NPAS3: variants seen among roughly 807,000 people sequenced by gnomAD.
The protein encoded by NPAS3 is neuronal PAS domain-containing protein 3.
NPAS3 carries 14 observed loss-of-function variants against 73.1 expected under a neutral mutation model. The observed-to-expected ratio is 0.19, with a 90% CI of 0.13 to 0.30. The LOEUF (loss-of-function observed/expected upper bound fraction) is 0.30. NPAS3 is among the 10% of genes least tolerant of loss of function. NPAS3 has a pLI of 1.00. For synonymous variants in NPAS3, 620 were observed against 541.5 expected, an observed-to-expected ratio of 1.14 and a Z score of -2.01; for missense variants, 1,096 against 1,250.0, an observed-to-expected ratio of 0.88 and a Z score of 1.86.
intron 3 of NPAS3, among the ~76,000 whole-genome samples, chr14:33,330,176 G>A (rs1000232653): frequency 5.9e-5 from 9 of 152,070 alleles, no homozygotes; most frequent in African/African-American, 1.9e-4. Context: ...CTGGGAGGCA[G>A]AAGCTGCAGT....
chr14:33,013,326 A>G (rs1195674165), intron 1 of NPAS3, among the ~76,000 whole-genome samples: 1 of 152,212 alleles, frequency 6.6e-6, no homozygotes, highest in Admixed American at 6.5e-5. Flanking sequence ...AATGATCCAG[A>G]CTTAGCATTT....
intron 3 of NPAS3, among the ~76,000 whole-genome samples, chr14:33,251,664 T>C (rs768384286): frequency 7.2e-5 from 11 of 152,046 alleles, no homozygotes; most frequent in Non-Finnish European, 1.2e-4. Context: ...AACAAAAACA[T>C]TATCTCAGAA....
At chr14:33,389,966 T>C (rs1211412675) in intron 4 of NPAS3, among the ~76,000 whole-genome samples, 1 of 152,160 alleles carries the variant, frequency 6.6e-6, no homozygotes, top group African/African-American at 2.4e-5. Context: ...AAGGGTGTCA[T>C]ATGGTCATCT....
intron 4 of NPAS3, among the ~76,000 whole-genome samples, chr14:33,470,933 TAA>T (rs59672930): frequency 5.7e-5 from 8 of 140,782 alleles, no homozygotes; most frequent in Non-Finnish European, 6.2e-5. Flanking sequence ...AGAGCATATT[TAA>T]AAAAAAAAAA....
chr14:33,164,539 TAAA>T (rs927385939), intron 2 of NPAS3, among the ~76,000 whole-genome samples: 1 of 151,418 alleles, frequency 6.6e-6, no homozygotes, highest in African/African-American at 2.4e-5. Flanking sequence ...ATGAACAACT[TAAA>T]AAAAAACCAC....
At position 33,051,296 on chromosome 14, in the gene NPAS3, A is replaced by AAAAAG. The variant is rs771840433; in HGVS notation, c.51-4608_51-4607insAAAGA. On this transcript the variant is annotated intron_variant, in intron 1 of 11. Coordinates refer to ENST00000356141, the Ensembl canonical transcript of NPAS3. ...ACTCCGTCTCAAAAAAAAAAAAAAA[A>AAAAAG]AGAGAGACTAAAGAACTTCCCCACT... is the stretch of plus-strand genomic sequence containing the variant. 1.8e-3 allele frequency among the ~76,000 whole-genome samples: 250 copies of AAAAAG among 142,558 alleles called. 4 individuals are homozygous for AAAAAG. Among genetic ancestry groups the AAAAAG allele is most frequent in the African/African-American group, 6.3e-3 (229 of 36,178 alleles). 93.5% of individuals were successfully genotyped at this position (142,558 alleles called of 152,430 possible).
chr14:33,322,872 T>G (rs1270707748), intron 3 of NPAS3, among the ~76,000 whole-genome samples: 1 of 152,320 alleles, frequency 6.6e-6, no homozygotes, highest in East Asian at 1.9e-4. Flanking sequence ...ATATAGGTAC[T>G]TTCTGCCTAT....
intron 3 of NPAS3, among the ~76,000 whole-genome samples, chr14:33,290,675 A>C (rs920444400): frequency 6.6e-6 from 1 of 152,208 alleles, no homozygotes; most frequent in African/African-American, 2.4e-5. Flanking sequence ...CACACTAAAA[A>C]AGAATTTTTT....
chr14:33,195,514 G>A (rs550035227), intron 2 of NPAS3, among the ~76,000 whole-genome samples: 4 of 152,200 alleles, frequency 2.6e-5, no homozygotes, highest in East Asian at 3.9e-4. Context: ...TGATCCACCC[G>A]CTTCGGCCTC....
At chr14:33,073,771 G>A (rs79829353) in intron 2 of NPAS3, among the ~76,000 whole-genome samples, 1,607 of 152,300 alleles carry the variant, frequency 0.011, 32 homozygotes, top group African/African-American at 0.037. Context: ...AAGTATTTGG[G>A]CCAAAGAATA....
At chr14:33,669,534 T>C (rs1234217419) in intron 5 of NPAS3, among the ~76,000 whole-genome samples, 3 of 152,178 alleles carry the variant, frequency 2.0e-5, no homozygotes, top group Non-Finnish European at 4.4e-5. Flanking sequence ...TTGCATAGTA[T>C]GGTGTGATGG....
At chr14:33,594,741 G>A (rs1396192410) in intron 5 of NPAS3, among the ~76,000 whole-genome samples, 2 of 152,144 alleles carry the variant, frequency 1.3e-5, no homozygotes, top group African/African-American at 4.8e-5. Flanking sequence ...AGAGTTGCGG[G>A]ATTTTTCAGC....
At chr14:33,206,158 ATATAAT>A (rs1381190585) in intron 2 of NPAS3, among the ~76,000 whole-genome samples, 5 of 152,304 alleles carry the variant, frequency 3.3e-5, no homozygotes, top group Non-Finnish European at 5.9e-5. Context: ...CTTAATTGTC[ATATAAT>A]TATAATAGAG....
In NPAS3 at chr14:33,037,861, C is replaced by A. The variant is rs568241027; in HGVS notation, c.51-18044C>A. ...TGTTTTACTCTATTAAATTGATGTTCTTCCCAATAACTGATTGGATTGATT... is the reference window on the plus strand; with the variant it reads ...TGTTTTACTCTATTAAATTGATGTTATTCCCAATAACTGATTGGATTGATT... On this transcript the variant is annotated intron_variant, in intron 1 of 11. Transcript: ENST00000356141. 5.9e-5 allele frequency among the ~76,000 whole-genome samples: 9 copies of A among 152,244 alleles called. No individual in the cohort carries two copies. The South Asian group carries it at 6.2e-4, about 11-fold the overall frequency.
intron 2 of NPAS3, among the ~76,000 whole-genome samples, chr14:33,062,694 GGT>G (rs2041151672): frequency 6.6e-6 from 1 of 152,226 alleles, no homozygotes; most frequent in South Asian, 2.1e-4. Context: ...CAAGATGAGA[GGT>G]GTAGCACCAC....
chr14:33,318,134 T>C (rs2043283808), intron 3 of NPAS3, among the ~76,000 whole-genome samples: 1 of 152,010 alleles, frequency 6.6e-6, no homozygotes, highest in Non-Finnish European at 1.5e-5. Flanking sequence ...AAAAGGGGTA[T>C]ATACGTACAA....
chr14:33,313,194 T>C (rs973757998), intron 3 of NPAS3, among the ~76,000 whole-genome samples: 1 of 152,096 alleles, frequency 6.6e-6, no homozygotes, highest in African/African-American at 2.4e-5. Flanking sequence ...CTATGGGTTT[T>C]ATATCTCAAA....
chr14:33,801,140 C>A, downstream of NPAS3: 1 of 1,547,698 alleles, frequency 6.5e-7, no homozygotes, highest in Non-Finnish European at 8.7e-7. Flanking sequence ...CGGCCAGGCC[C>A]CGCTTGGAGG....
chr14:33,055,593 C>A (rs1231149034), intron 1 of NPAS3, among the ~76,000 whole-genome samples: 1 of 151,888 alleles, frequency 6.6e-6, no homozygotes, highest in Non-Finnish European at 1.5e-5. Context: ...AGAATATAAT[C>A]ATGGGAATTG....
Sources: gnomAD v4.1 joint callset for allele counts (sites outside exome capture counted in the v4.1 genomes callset) on GRCh38, gnomAD v4.1.1 for gene constraint, MANE v1.5 for transcripts, NCBI Gene and HGNC (gene_info 2026-07-23, HGNC 2026-07-21) for gene names.